The following OCIAD2 variants were observed in gnomAD, a reference collection of about 807,000 sequenced individuals.
OCIAD2 encodes the protein OCIA domain containing 2, also known as OCIA domain-containing protein 2.
Under a neutral mutation model 22.9 loss-of-function variants are expected in OCIAD2, and 29 were observed. The observed-to-expected ratio is 1.27, with a 90% CI of 0.94 to 1.73. OCIAD2 has a LOEUF of 1.73. Among genes scored for constraint, OCIAD2 ranks in the 40% most tolerant of loss-of-function variants. The pLI, the probability that OCIAD2 is intolerant of heterozygous loss-of-function variation, is 0.00. For synonymous variants in OCIAD2, 67 were observed against 60.2 expected, an observed-to-expected ratio of 1.11 and a Z score of -0.52; for missense variants, 189 against 180.3, an observed-to-expected ratio of 1.05 and a Z score of -0.28.
intron 5 of OCIAD2, 27 bp downstream of exon 5, chr4:48,893,979 G>A (rs1781241279): frequency 2.0e-6 from 3 of 1,469,920 alleles, no homozygotes; most frequent in Admixed American, 2.1e-5. Flanking sequence ...ACCACACTTG[G>A]CTTGCTTTTT....
At chr4:48,889,263 A>G (rs905351967) in intron 6 of OCIAD2, among the ~76,000 whole-genome samples, 1 of 152,132 alleles carries the variant, frequency 6.6e-6, no homozygotes, top group African/African-American at 2.4e-5. Context: ...CAGTCAATCA[A>G]TTTTGTTGAT....
At chr4:48,886,407 T>A (rs1008902447) in intron 6 of OCIAD2, among the ~76,000 whole-genome samples, 1 of 152,244 alleles carries the variant, frequency 6.6e-6, no homozygotes, top group African/African-American at 2.4e-5. Context: ...TTGTTACTTA[T>A]GTATACATGT....
chr4:48,895,108 G>C (rs967230795), intron 4 of OCIAD2, among the ~76,000 whole-genome samples: 1 of 152,182 alleles, frequency 6.6e-6, no homozygotes, highest in Non-Finnish European at 1.5e-5. Context: ...AATATGCATG[G>C]TTCTAGAAAC....
In OCIAD2 at chr4:48,897,451, G is replaced by A. The variant is rs73815400; in HGVS notation, c.217+353C>T. 3.1e-3 allele frequency among the ~76,000 whole-genome samples: 478 copies of A among 152,114 alleles called. 1 individual carries two copies. Among genetic ancestry groups the A allele is most frequent in the African/African-American group, 0.011 (447 of 41,498 alleles). On this transcript the variant is annotated intron_variant, in intron 4 of 6. Transcript: ENST00000508632. ...TGTTGAGCTGAGGCCTCACATTGCCGCCTCTCTGATTCCATCTTCAGATCC... is the reference window on the plus strand; with the variant it reads ...TGTTGAGCTGAGGCCTCACATTGCCACCTCTCTGATTCCATCTTCAGATCC...
At chr4:48,890,085 A>T (rs1004015181) in intron 6 of OCIAD2, among the ~76,000 whole-genome samples, 3 of 119,304 alleles carry the variant, frequency 2.5e-5, no homozygotes, top group African/African-American at 9.6e-5. Flanking sequence ...GAAGGGGAAC[A>T]TTACATACCG....
At chr4:48,898,631 C>G (rs1781352216) in intron 3 of OCIAD2, among the ~76,000 whole-genome samples, 1 of 152,132 alleles carries the variant, frequency 6.6e-6, no homozygotes, top group Admixed American at 6.5e-5. Context: ...GTGCTTTAGT[C>G]TAGGACAGTT....
intron 2 of OCIAD2, among the ~76,000 whole-genome samples, chr4:48,901,751 AT>A (rs1030024816): frequency 2.6e-5 from 4 of 151,280 alleles, no homozygotes; most frequent in Non-Finnish European, 4.4e-5. Context: ...TTTTATTTTT[AT>A]TTTTTTTAGA....
intron 2 of OCIAD2, among the ~76,000 whole-genome samples, chr4:48,901,878 G>A (rs946097712): frequency 2.0e-5 from 3 of 152,066 alleles, no homozygotes; most frequent in African/African-American, 7.2e-5. Flanking sequence ...GAGTAGCTGG[G>A]ACTATAGGTG....
At chr4:48,893,703 A>G (rs1781232605) in intron 5 of OCIAD2, 2 of 194,112 alleles carry the variant, frequency 1.0e-5, no homozygotes, top group Non-Finnish European at 1.0e-5. Flanking sequence ...TGTATATCAG[A>G]AAGTGTTGAG....
At chr4:48,903,634 G>A (rs1430933330) in intron 2 of OCIAD2, among the ~76,000 whole-genome samples, 1 of 150,370 alleles carries the variant, frequency 6.7e-6, no homozygotes, top group Non-Finnish European at 1.5e-5. Flanking sequence ...GTAAAGAAAG[G>A]GTTTTTTTTT....
intron 2 of OCIAD2, among the ~76,000 whole-genome samples, chr4:48,901,135 G>A (rs1177994900): frequency 6.6e-6 from 1 of 151,710 alleles, no homozygotes; most frequent in African/African-American, 2.4e-5. Context: ...AAATAGCACT[G>A]TTTTATATAT....
intron 3 of OCIAD2, among the ~76,000 whole-genome samples, chr4:48,898,542 T>G (rs970507176): frequency 6.6e-6 from 1 of 152,192 alleles, no homozygotes; most frequent in African/African-American, 2.4e-5. Flanking sequence ...GTTATTCAAA[T>G]CTCTCCAGTT....
Position 48,885,460 on chromosome 4 carries a change from C to T in OCIAD2, c.*24G>A, listed in dbSNP as rs1780953381. On this transcript the variant is annotated 3_prime_UTR_variant, in exon 7 of 7. Coordinates refer to ENST00000508632, the MANE Select transcript of OCIAD2 (RefSeq NM_001014446.3). ...TGTACAAATTCAGAGGTTTAAAAAA[C>T]TTCGAAAGTCACAGACACAGAATTT... 1 of 1,399,536 alleles carries T rather than the reference C, an allele frequency of 7.1e-7. No individual in the cohort carries two copies. Among genetic ancestry groups the T allele is most frequent in the East Asian group, 2.3e-5 (1 of 43,862 alleles). The allele number at this position is 1,399,536 out of a possible 1,614,324, so 86.7% of individuals were successfully genotyped here.
chr4:48,894,021 A>G lies in OCIAD2; in HGVS notation c.250T>C (p.Leu84=). 1.3e-6 allele frequency: 2 copies of G among 1,518,010 alleles called. No individual in the cohort carries two copies. Among genetic ancestry groups the G allele is most frequent in the Non-Finnish European group, 1.8e-6 (2 of 1,127,528 alleles). 94.0% of individuals were successfully genotyped at this position (1,518,010 alleles called of 1,614,324 possible). The change falls in exon 5 of 7, where the codon TTG becomes CTG. Residue 84 remains leucine (L), a synonymous_variant. Transcript: ENST00000508632. ...TATGACTTACGTGCAACTTTGGGCA[A>G]TGATCCAAATCTAGAATTAGCTGCC... ...YLAANSRFGS[L]PKVALAGLLG...
At chr4:48,893,945 G>T in intron 5 of OCIAD2, 61 bp downstream of exon 5, 2 of 1,091,068 alleles carry the variant, frequency 1.8e-6, no homozygotes, top group Non-Finnish European at 1.3e-6. Context: ...GCCTCCCAAA[G>T]TGCTGGGATT....
rs1195397342 is a variant in OCIAD2 at position 48,898,003 on chromosome 4, AT to A, written c.164-147del. The A allele has an allele frequency of 2.0e-5, 13 of 647,924 alleles. No individual in the cohort carries two copies. The East Asian group carries it at 3.6e-4, about 18-fold the overall frequency. The allele number at this position is 647,924 out of a possible 1,614,324, so 40.1% of individuals were successfully genotyped here. ...TTGTTATTTTACTTATTCAACAAAT[AT>A]TTATTAAGTGCAGCATGGAGAATTT... On this transcript the variant is annotated intron_variant, in intron 3 of 6. Transcript: ENST00000508632.
intron 6 of OCIAD2, among the ~76,000 whole-genome samples, chr4:48,889,970 A>G (rs1377294916): frequency 3.9e-5 from 6 of 152,224 alleles, no homozygotes; most frequent in Admixed American, 3.3e-4. Context: ...CACGGATGAA[A>G]CTGGAAACCA....
At position 48,885,518 on chromosome 4, in the gene OCIAD2, C is replaced by A. The variant is rs762669181; in HGVS notation, c.431G>T (p.Ser144Ile). 26 of 1,611,962 alleles carry A rather than the reference C, an allele frequency of 1.6e-5. No individual in the cohort carries two copies. The highest frequency in any genetic ancestry group is 2.0e-5 in the Non-Finnish European group (24 of 1,177,992). ...TGAAGGCTGAGAGTCTCCCTTCTCACTTAATCCATGCTTTATTTTGCATTC... is the reference window on the plus strand; with the variant it reads ...TGAAGGCTGAGAGTCTCCCTTCTCAATTAATCCATGCTTTATTTTGCATTC... Reference protein sequence around the residue: ...CEECKIKHGLSEKGDSQPSAS With the variant: ...CEECKIKHGLIEKGDSQPSAS Residue 144 changes from serine to isoleucine, a missense_variant, in exon 7 of 7, where the codon AGT becomes ATT. Physicochemically the swap from Ser to Ile is moderately radical, Grantham distance 142. Coordinates refer to ENST00000508632, the MANE Select transcript of OCIAD2 (RefSeq NM_001014446.3).
intron 6 of OCIAD2, among the ~76,000 whole-genome samples, chr4:48,892,208 A>G (rs986033623): frequency 1.3e-5 from 2 of 152,230 alleles, no homozygotes; most frequent in African/African-American, 4.8e-5. Context: ...AATCATTTCT[A>G]TTCTTTACAT....
Sources: allele counts gnomAD v4.1 joint callset (sites outside exome capture counted in the v4.1 genomes callset), GRCh38; gene constraint gnomAD v4.1.1; transcripts MANE v1.5; gene names NCBI Gene and HGNC (gene_info 2026-07-23, HGNC 2026-07-21).